Variants in PYGL observed in about 807,000 individuals in gnomAD.
PYGL encodes the protein glycogen phosphorylase, liver form.
A neutral mutation model predicts 100.1 loss-of-function variants in PYGL; 90 were observed. That is an observed-to-expected ratio of 0.90 (90% CI 0.76 to 1.07). PYGL has a LOEUF of 1.07. PYGL is among the 50% of genes least tolerant of loss of function. PYGL has a pLI of 0.00. For synonymous variants in PYGL, 373 were observed against 393.0 expected (o/e 0.95, Z 0.60); for missense variants, 1,016 against 1,057.6 (o/e 0.96, Z 0.55).
At chr14:50,944,078 G>A (rs917196624) in intron 1 of PYGL, 83 bp downstream of exon 1, 1 of 1,484,636 alleles carries the variant, frequency 6.7e-7, no homozygotes, top group Non-Finnish European at 9.1e-7. Flanking sequence ...ACTCTGAGGG[G>A]TTCTCCACCT....
rs766617186 is a variant in PYGL at position 50,914,825 on chromosome 14, G to C, written c.1404-10C>G. The C allele has an allele frequency of 5.0e-6, 8 of 1,595,326 alleles. No homozygotes were observed. The South Asian group carries it at 8.8e-5, about 18-fold the overall frequency. On this transcript the variant is annotated splice_polypyrimidine_tract_variant and intron_variant, in intron 11 of 19. Transcript: ENST00000216392. ...ACTGAAGTCCTTGAATCTGGAGATGGAGGAGACACATCACTGAATTTGGCT... is the reference window on the plus strand; with the variant it reads ...ACTGAAGTCCTTGAATCTGGAGATGCAGGAGACACATCACTGAATTTGGCT...
At chr14:50,936,011 CACA>C in intron 2 of PYGL, among the ~76,000 whole-genome samples, 1 of 152,316 alleles carries the variant, frequency 6.6e-6, no homozygotes, top group East Asian at 1.9e-4. Flanking sequence ...TGCTGGGGAT[CACA>C]CAGCAGAGTC....
intron 19 of PYGL, 101 bp from the exon 20 acceptor site, chr14:50,905,657 A>G: frequency 8.8e-7 from 1 of 1,141,978 alleles, no homozygotes; most frequent in South Asian, 1.3e-5. Flanking sequence ...ATGAGGGAAA[A>G]TGACAGGAAT....
rs192486872 is a variant in PYGL at position 50,915,574 on chromosome 14, T to C, written c.1240-75A>G. The C allele has an allele frequency of 5.7e-3, 8,925 of 1,575,960 alleles. 54 individuals carry two copies. Among genetic ancestry groups the C allele is most frequent in the Non-Finnish European group, 6.5e-3 (7,437 of 1,148,750 alleles). ...CATTGGGATAACGCTGTTCATGTCTTAAGCAAAATCTTTGGTGTACTCAAT... is the reference window on the plus strand; with the variant it reads ...CATTGGGATAACGCTGTTCATGTCTCAAGCAAAATCTTTGGTGTACTCAAT... On this transcript the variant is annotated intron_variant, in intron 10 of 19. Transcript: ENST00000216392.
At chr14:50,941,929 T>C (rs1383389487) in intron 1 of PYGL, among the ~76,000 whole-genome samples, 1 of 152,078 alleles carries the variant, frequency 6.6e-6, no homozygotes, top group African/African-American at 2.4e-5. Flanking sequence ...AAATAATGGT[T>C]TGAGTTTTTA....
chr14:50,915,077 A>G (rs2050432994), intron 11 of PYGL: 13 of 619,792 alleles, frequency 2.1e-5, no homozygotes, highest in Non-Finnish European at 3.6e-5. Flanking sequence ...CACTTTCAGT[A>G]GAATAGTTTT....
chr14:50,913,210 C>T (rs2050415796), intron 12 of PYGL, 80 bp from the exon 13 acceptor site: 1 of 1,104,884 alleles, frequency 9.1e-7, no homozygotes, highest in East Asian at 2.5e-5. Flanking sequence ...CAGTATTTCT[C>T]TCTGTCACCT....
chr14:50,906,610 G>A (rs2050339051), intron 19 of PYGL, among the ~76,000 whole-genome samples: 1 of 152,216 alleles, frequency 6.6e-6, no homozygotes, highest in Non-Finnish European at 1.5e-5. Flanking sequence ...AATTTTAACA[G>A]AGGAGACATT....
intron 4 of PYGL, among the ~76,000 whole-genome samples, chr14:50,928,085 A>G (rs1218665686): frequency 1.3e-5 from 2 of 152,162 alleles, no homozygotes; most frequent in African/African-American, 4.8e-5. Flanking sequence ...TCTGTGGAGT[A>G]AAAGAGCCAA....
intron 12 of PYGL, among the ~76,000 whole-genome samples, chr14:50,914,357 C>G (rs540497428): frequency 6.6e-6 from 1 of 152,070 alleles, no homozygotes; most frequent in Non-Finnish European, 1.5e-5. Context: ...ATTAGCTGGG[C>G]ATTGTGATGT....
chr14:50,937,683 A>C, intron 2 of PYGL, 53 bp downstream of exon 2: 1,858 of 1,268,240 alleles, frequency 1.5e-3, no homozygotes, highest in Non-Finnish European at 1.9e-3. Flanking sequence ...AGTTTCCTGA[A>C]GTGCACATGA....
intron 7 of PYGL, among the ~76,000 whole-genome samples, chr14:50,920,117 A>T (rs543984077): frequency 2.9e-4 from 44 of 152,298 alleles, no homozygotes; most frequent in African/African-American, 1.1e-3. Context: ...CTCTAACTCC[A>T]TCTAGCATCA....
Position 50,915,888 on chromosome 14 carries a change from C to A in PYGL, c.1176G>T (p.Leu392=), listed in dbSNP as rs749023935. The change falls in exon 10 of 20, where the codon CTG becomes CTT. Residue 392 remains leucine, a synonymous_variant. Coordinates refer to ENST00000216392, the MANE Select transcript of PYGL (RefSeq NM_002863.5). ...PEALERWPVD[L]VEKLLPRHLE... is the part of the protein sequence containing the mutation. ...AATGTCGAGGGAGCAGCTTCTCCACCAGGTCCACGGGCCAGCGCTCCAGGG... is the reference window on the plus strand; with the variant it reads ...AATGTCGAGGGAGCAGCTTCTCCACAAGGTCCACGGGCCAGCGCTCCAGGG... 1 of 1,614,216 alleles carries A rather than the reference C, an allele frequency of 6.2e-7. No individual in the cohort carries two copies. Among genetic ancestry groups the A allele is most frequent in the South Asian group, 1.1e-5 (1 of 91,090 alleles).
chr14:50,921,061 G>C lies in PYGL; in HGVS notation c.667C>G (p.Leu223Val). ...ACGGGGGTGTCATATGGCAGAGCCA[G>C]GACCACCTGTGGGATTAAACAGAAG... ...GTKWIDTQVVLALPYDTPVPG... is the reference protein window; with the variant it reads ...GTKWIDTQVVVALPYDTPVPG... The change falls in exon 6 of 20, where the codon CTG becomes GTG. Residue 223 changes from leucine to valine, a missense_variant. Leu to Val is a conservative substitution (Grantham distance 32). Transcript: ENST00000216392. 6.2e-7 allele frequency: 1 copy of C among 1,611,984 alleles called. No homozygotes were observed. The highest frequency in any genetic ancestry group is 8.5e-7 in the Non-Finnish European group (1 of 1,178,044).
At chr14:50,919,841 C>T (rs2050484783) in intron 7 of PYGL, among the ~76,000 whole-genome samples, 1 of 152,076 alleles carries the variant, frequency 6.6e-6, no homozygotes, top group South Asian at 2.1e-4. Context: ...ACCATCACAC[C>T]TGGCTAATTT....
Position 50,944,287 on chromosome 14 carries a change from C to G in PYGL, c.117G>C (p.Thr39=). The G allele has an allele frequency of 6.2e-7, 1 of 1,613,990 alleles. No individual in the cohort carries two copies. Among genetic ancestry groups the G allele is most frequent in the East Asian group, 2.2e-5 (1 of 44,880 alleles). ...TGGCCACGTTGCGGTCCTTGACCAG[C>G]GTGAAGTGCAGGTGCCGGTTGAAAC... ...KKSFNRHLHF[T]LVKDRNVATT... The change falls in exon 1 of 20, where the codon ACG becomes ACC. Residue 39 remains threonine (T), a synonymous_variant. Transcript: ENST00000216392.
chr14:50,908,349 T>C lies in PYGL; in HGVS notation c.2313-12A>G, dbSNP rs1360406374. The C allele has an allele frequency of 6.3e-7, 1 of 1,578,638 alleles. No homozygotes were observed. The highest frequency in any genetic ancestry group is 2.2e-5 in the East Asian group (1 of 44,698). ...CAAAGACTTTAAACCTTTTATTTTG[T>C]GAGTGGAAGAGGAAAAAAACAGTCA... On this transcript the variant is annotated splice_polypyrimidine_tract_variant and intron_variant, in intron 18 of 19. Transcript: ENST00000216392.
intron 5 of PYGL, 175 bp from the exon 6 acceptor site, chr14:50,921,242 A>G (rs990134737): frequency 1.7e-6 from 1 of 605,578 alleles, no homozygotes; most frequent in East Asian, 2.8e-5. Context: ...TTAGAGGAAC[A>G]TGTGGTTCCT....
chr14:50,933,517 T>C (rs2050621766), intron 3 of PYGL, among the ~76,000 whole-genome samples: 1 of 152,222 alleles, frequency 6.6e-6, no homozygotes, highest in Admixed American at 6.5e-5. Context: ...GAATACAATC[T>C]GATACATGTG....
Sources: gnomAD v4.1 joint callset for allele counts (sites outside exome capture counted in the v4.1 genomes callset) on GRCh38, gnomAD v4.1.1 for gene constraint, MANE v1.5 for transcripts, NCBI Gene and HGNC (gene_info 2026-07-23, HGNC 2026-07-21) for gene names.